Variants in IL1RAPL1 observed in about 807,000 individuals in gnomAD.
IL1RAPL1 encodes interleukin 1 receptor accessory protein like 1, also known as interleukin-1 receptor accessory protein-like 1.
IL1RAPL1 carries 3 observed loss-of-function variants against 48.4 expected under a neutral mutation model. That is an observed-to-expected ratio of 0.06 (90% CI 0.03 to 0.16). The LOEUF is 0.16. Among genes scored for constraint, IL1RAPL1 ranks in the 10% least tolerant of loss-of-function variants. IL1RAPL1 has a pLI of 1.00. For missense variants in IL1RAPL1, 349 were observed against 530.6 expected (o/e 0.66, Z 3.36); for synonymous variants, 185 against 187.7 (o/e 0.99, Z 0.12).
rs148489283 is a variant in IL1RAPL1, at chrX:28,731,276, T to C, written c.-24-58044T>C. Among the ~76,000 whole-genome samples the C allele has an allele frequency of 6.9e-3, 774 of 112,006 alleles. 8 individuals are homozygous for C. The highest frequency in any genetic ancestry group is 0.024 in the African/African-American group (732 of 30,834). ...AGCATACTGATGTTTTACTTTATGCTTTGAAATGTTCTCACTGAACTGTGT... is the reference window on the plus strand; with the variant it reads ...AGCATACTGATGTTTTACTTTATGCCTTGAAATGTTCTCACTGAACTGTGT... On this transcript the variant is annotated intron_variant, in intron 1 of 10. Coordinates refer to ENST00000378993, the MANE Select transcript of IL1RAPL1 (RefSeq NM_014271.4).
At chrX:28,596,195 A>C in intron 1 of IL1RAPL1, among the ~76,000 whole-genome samples, 1 of 112,062 alleles carries the variant, frequency 8.9e-6, no homozygotes, top group Middle Eastern at 4.6e-3. Flanking sequence ...TCCAAAACTC[A>C]TGCTACATTA....
chrX:29,026,079 G>C (rs1479835899), intron 2 of IL1RAPL1, among the ~76,000 whole-genome samples: 1 of 111,844 alleles, frequency 8.9e-6, no homozygotes, highest in East Asian at 2.8e-4. Flanking sequence ...CTTTACTAAG[G>C]GAAAGAAAAG....
intron 2 of IL1RAPL1, among the ~76,000 whole-genome samples, chrX:28,804,825 C>T (rs1451701559): frequency 9.0e-6 from 1 of 111,293 alleles, no homozygotes; most frequent in Non-Finnish European, 1.9e-5. Flanking sequence ...TTTGGAGAGT[C>T]ATTATTCTGT....
intron 6 of IL1RAPL1, among the ~76,000 whole-genome samples, chrX:29,703,869 A>G (rs763280058): frequency 8.9e-6 from 1 of 111,778 alleles, no homozygotes; most frequent in South Asian, 3.7e-4. Flanking sequence ...ATCTTCAGAA[A>G]TACTCTTAAT....
chrX:29,129,582 A>G (rs1197091520), intron 2 of IL1RAPL1, among the ~76,000 whole-genome samples: 2 of 91,242 alleles, frequency 2.2e-5, no homozygotes, highest in East Asian at 6.9e-4. Flanking sequence ...TGCAGAAATA[A>G]TGTAAATTTT....
At chrX:29,277,893 A>T (rs1205382182) in intron 2 of IL1RAPL1, among the ~76,000 whole-genome samples, 1 of 111,586 alleles carries the variant, frequency 9.0e-6, no homozygotes, top group Non-Finnish European at 1.9e-5. Flanking sequence ...TTCCTTGGGG[A>T]TGCTAAATAA....
chrX:28,876,513 CCATCT>C (rs1922376777), intron 2 of IL1RAPL1, among the ~76,000 whole-genome samples: 1 of 111,279 alleles, frequency 9.0e-6, no homozygotes, highest in African/African-American at 3.3e-5. Context: ...TCCAGGCATC[CCATCT>C]CGGCAAACAA....
At chrX:29,204,866 A>G (rs1930632116) in intron 2 of IL1RAPL1, among the ~76,000 whole-genome samples, 1 of 111,788 alleles carries the variant, frequency 8.9e-6, no homozygotes. Flanking sequence ...GCCCTTGAGA[A>G]ATTCATTCTT....
intron 2 of IL1RAPL1, among the ~76,000 whole-genome samples, chrX:28,829,484 T>G (rs935170565): frequency 3.6e-5 from 4 of 111,191 alleles, no homozygotes; most frequent in Non-Finnish European, 7.5e-5. Context: ...TTATCATAGA[T>G]GCCCTTTATC....
chrX:29,096,064 G>A (rs1389931389), intron 2 of IL1RAPL1, among the ~76,000 whole-genome samples: 1 of 111,055 alleles, frequency 9.0e-6, no homozygotes, highest in Non-Finnish European at 1.9e-5. Context: ...AATTATCTTT[G>A]ATAATCCCCA....
chrX:28,947,490 G>A (rs1287932265), intron 2 of IL1RAPL1, among the ~76,000 whole-genome samples: 1 of 110,768 alleles, frequency 9.0e-6, no homozygotes, highest in Non-Finnish European at 1.9e-5. Flanking sequence ...ACTCATAGGT[G>A]GGAATTGAAC....
chrX:28,742,010 G>A (rs1265119272), intron 1 of IL1RAPL1, among the ~76,000 whole-genome samples: 1 of 111,294 alleles, frequency 9.0e-6, no homozygotes. Context: ...ACTGAAATTA[G>A]ATTGGCGTAA....
At chrX:29,890,809 A>G (rs1932262520) in intron 6 of IL1RAPL1, among the ~76,000 whole-genome samples, 1 of 111,924 alleles carries the variant, frequency 8.9e-6, no homozygotes, top group South Asian at 3.7e-4. Flanking sequence ...AAACCCACAC[A>G]GTTCCTGTGA....
chrX:29,516,762 A>G (rs753169705), intron 5 of IL1RAPL1, among the ~76,000 whole-genome samples: 1 of 110,610 alleles, frequency 9.0e-6, no homozygotes, highest in Non-Finnish European at 1.9e-5. Context: ...TTCCTGGTGT[A>G]GATGTGGAAA....
intron 5 of IL1RAPL1, among the ~76,000 whole-genome samples, chrX:29,481,480 G>A (rs181343566): frequency 3.5e-5 from 4 of 112,807 alleles, no homozygotes; most frequent in African/African-American, 1.3e-4. Context: ...TAAGCTCAGA[G>A]AGCCAACGGC....
At chrX:29,630,864 C>A (rs1924754340) in intron 5 of IL1RAPL1, among the ~76,000 whole-genome samples, 1 of 112,436 alleles carries the variant, frequency 8.9e-6, no homozygotes, top group Admixed American at 9.4e-5. Context: ...TAAATGGATA[C>A]CACTTTTAAA....
chrX:29,408,384 C>T (rs887241370), intron 5 of IL1RAPL1, among the ~76,000 whole-genome samples: 3 of 111,379 alleles, frequency 2.7e-5, no homozygotes, highest in African/African-American at 9.8e-5. Context: ...AACAAAGTAA[C>T]AACTGTATTG....
chrX:29,076,791 T>G (rs1233760332), intron 2 of IL1RAPL1, among the ~76,000 whole-genome samples: 2 of 67,507 alleles, frequency 3.0e-5, no homozygotes, highest in Non-Finnish European at 5.7e-5. Context: ...TGTCTGTCTG[T>G]CTGTCTGTCT....
chrX:28,938,350 A>G (rs1163747590), intron 2 of IL1RAPL1, among the ~76,000 whole-genome samples: 1 of 111,077 alleles, frequency 9.0e-6, no homozygotes, highest in East Asian at 2.8e-4. Flanking sequence ...TAGAGAGCTC[A>G]GAAATAAGGC....
Sources: allele counts gnomAD v4.1 joint callset (sites outside exome capture counted in the v4.1 genomes callset), GRCh38; gene constraint gnomAD v4.1.1; transcripts MANE v1.5; gene names NCBI Gene and HGNC (gene_info 2026-07-23, HGNC 2026-07-21).